The following ZNF254 variants were observed in gnomAD, a reference collection of about 807,000 sequenced individuals.
The protein encoded by ZNF254 is zinc finger protein 254, also known as CTD-2017D11.1.
Under a neutral mutation model 12.4 loss-of-function variants are expected in ZNF254, and 10 were observed. The observed-to-expected ratio is 0.80, with a 90% CI of 0.50 to 1.36. The LOEUF (loss-of-function observed/expected upper bound fraction) is 1.36. Among genes scored for constraint, ZNF254 ranks in the 40% most tolerant of loss-of-function variants. The pLI, the probability that ZNF254 is intolerant of heterozygous loss-of-function variation, is 0.00. For missense variants in ZNF254, 996 were observed against 763.9 expected, an observed-to-expected ratio of 1.30 and a Z score of -3.58; for synonymous variants, 305 against 253.4, an observed-to-expected ratio of 1.20 and a Z score of -1.93.
Position 24,128,864 on chromosome 19 carries a change from A to T in ZNF254, c.*884A>T, listed in dbSNP as rs1975066763. 1 of 152,012 alleles carries T rather than the reference A, an allele frequency of 6.6e-6. No homozygotes were observed. Among genetic ancestry groups the T allele is most frequent in the Non-Finnish European group, 1.5e-5 (1 of 67,914 alleles). The allele number at this position is 152,012 out of a possible 1,614,324, so 9.4% of individuals were successfully genotyped here. ...ACTTTAAAAATAGAATATTTTTTGG[A>T]GGGTTATAATTACATTCAAAGTACT... is the stretch of plus-strand genomic sequence containing the variant. On this transcript the variant is annotated 3_prime_UTR_variant, in exon 4 of 4. Coordinates refer to ENST00000357002, the MANE Select transcript of ZNF254 (RefSeq NM_203282.4).
chr19:24,098,524 C>G (rs1424572157), intron 1 of ZNF254: 2 of 152,170 alleles, frequency 1.3e-5, no homozygotes, highest in African/African-American at 4.8e-5. Context: ...TTTTAAAATT[C>G]CAATGATAAT....
At chr19:24,048,341 A>G (rs73017373) in intron 2 of ZNF254, among the ~76,000 whole-genome samples, 24,245 of 152,246 alleles carry the variant, frequency 0.16, 2,106 homozygotes, top group Middle Eastern at 0.23. Flanking sequence ...AGCGCCACAC[A>G]TGGCCCAGGG....
intron 1 of ZNF254, among the ~76,000 whole-genome samples, chr19:24,037,934 A>G (rs543010346): frequency 1.3e-5 from 2 of 152,162 alleles, no homozygotes; most frequent in South Asian, 4.1e-4. Context: ...TTTAGTAGAG[A>G]TGGAATTTCA....
At chr19:24,050,003 G>T (rs62114761) in intron 2 of ZNF254, among the ~76,000 whole-genome samples, 24,179 of 151,722 alleles carry the variant, frequency 0.16, 2,094 homozygotes, top group Middle Eastern at 0.23. Flanking sequence ...CAGTACTCTT[G>T]TGTCATGGCA....
chr19:24,105,355 T>TAAA, intron 1 of ZNF254: 7 of 206,264 alleles, frequency 3.4e-5, no homozygotes, highest in South Asian at 2.6e-4. Flanking sequence ...CTAGAAAAAC[T>TAAA]AAAAAAAAAA....
At chr19:24,103,033 T>C (rs2145783947) in intron 1 of ZNF254, among the ~76,000 whole-genome samples, 1 of 152,346 alleles carries the variant, frequency 6.6e-6, no homozygotes, top group Admixed American at 6.5e-5. Flanking sequence ...TGTAACATCC[T>C]GTTGATCACA....
intron 1 of ZNF254, among the ~76,000 whole-genome samples, chr19:24,095,669 G>A (rs536430010): frequency 6.6e-6 from 1 of 152,062 alleles, no homozygotes; most frequent in South Asian, 2.1e-4. Context: ...TTGTTTGTGT[G>A]CACAGAGGTG....
In ZNF254 at chr19:24,126,239, T is replaced by A. The variant is rs1392843192; in HGVS notation, c.254-15T>A. ...AGTAAGTGGAGTAATTTATTTATTT[T>A]TATTTTTTTTTCAGGTATGTGTCCT... is the stretch of plus-strand genomic sequence containing the variant. On this transcript the variant is annotated splice_polypyrimidine_tract_variant and intron_variant, in intron 3 of 3. Coordinates refer to ENST00000357002, the MANE Select transcript of ZNF254 (RefSeq NM_203282.4). 7.1e-7 allele frequency: 1 copy of A among 1,405,212 alleles called. No individual in the cohort carries two copies. Among genetic ancestry groups the A allele is most frequent in the African/African-American group, 1.5e-5 (1 of 67,794 alleles). 87.0% of individuals were successfully genotyped at this position (1,405,212 alleles called of 1,614,324 possible). A position where few individuals can be genotyped will look rare whatever the true frequency, so the allele number is the denominator to read the frequency against.
intron 3 of ZNF254, among the ~76,000 whole-genome samples, chr19:24,109,602 G>T (rs974478022): frequency 3.3e-5 from 5 of 152,072 alleles, no homozygotes; most frequent in African/African-American, 1.2e-4. Context: ...GTCATAGTCA[G>T]ATTATCTATA....
intron 3 of ZNF254, chr19:24,107,044 T>C (rs991419803): frequency 4.0e-5 from 18 of 447,746 alleles, no homozygotes; most frequent in Non-Finnish European, 6.6e-5. Context: ...GTTTCTGTTA[T>C]ATTGGGTTTT....
At chr19:24,052,792 G>A (rs1372943333) in intron 2 of ZNF254, among the ~76,000 whole-genome samples, 1 of 152,178 alleles carries the variant, frequency 6.6e-6, no homozygotes, top group East Asian at 1.9e-4. Context: ...TGGTGGGATT[G>A]TGATACATAT....
At chr19:24,117,590 C>T (rs769489017) in intron 3 of ZNF254, among the ~76,000 whole-genome samples, 3 of 152,066 alleles carry the variant, frequency 2.0e-5, no homozygotes, top group Non-Finnish European at 2.9e-5. Flanking sequence ...TTCCAGATGC[C>T]GTCTGTCACC....
chr19:24,056,526 A>G (rs1415469346), intron 2 of ZNF254, among the ~76,000 whole-genome samples: 1 of 152,088 alleles, frequency 6.6e-6, no homozygotes. Flanking sequence ...CTGGACCTCA[A>G]AAGGCATTGT....
intron 2 of ZNF254, among the ~76,000 whole-genome samples, chr19:24,049,214 A>ATATATTTT (rs1160333151): frequency 5.9e-4 from 24 of 40,852 alleles, no homozygotes; most frequent in Admixed American, 1.9e-3. Flanking sequence ...ATATATATAT[A>ATATATTTT]TTTTTTTTTT....
rs559550240 is a variant in ZNF254 at position 24,091,557 on chromosome 19, A to G, written c.30+4220A>G. On this transcript the variant is annotated intron_variant, in intron 1 of 3. Coordinates refer to ENST00000357002, the MANE Select transcript of ZNF254 (RefSeq NM_203282.4). ...ACCCAGGCTGGAGTGCAATGGTGCA[A>G]TCTTAGCTCACTGCAACCTCCAATT... Among the ~76,000 whole-genome samples, 23 of 152,176 alleles carry G rather than the reference A, an allele frequency of 1.5e-4. No individual in the cohort carries two copies. In the South Asian group the frequency reaches 2.3e-3, roughly 15 times the overall value.
intron 2 of ZNF254, among the ~76,000 whole-genome samples, chr19:24,055,395 C>T (rs150835654): frequency 1.2e-3 from 184 of 151,756 alleles, no homozygotes; most frequent in African/African-American, 4.1e-3. Flanking sequence ...TCTCCTGCCT[C>T]AGCCTCCTGA....
At position 24,111,735 on chromosome 19, in the gene ZNF254, G is replaced by A. The variant is rs538408631; in HGVS notation, c.253+5092G>A. Among the ~76,000 whole-genome samples the A allele has an allele frequency of 6.6e-5, 10 of 152,082 alleles. No homozygotes were observed. The East Asian group carries it at 1.7e-3, about 26-fold the overall frequency. On this transcript the variant is annotated intron_variant, in intron 3 of 3. Transcript: ENST00000357002. ...TGAGCATTTTTTCATGTGTTTTTTGGCTGCATAAATGTCTTCTTTTGAGAA... is the reference window on the plus strand; with the variant it reads ...TGAGCATTTTTTCATGTGTTTTTTGACTGCATAAATGTCTTCTTTTGAGAA...
intron 2 of ZNF254, among the ~76,000 whole-genome samples, chr19:24,055,205 C>CAAAAAAAAA (rs71167733): frequency 3.5e-5 from 1 of 28,326 alleles, no homozygotes; most frequent in Non-Finnish European, 5.4e-5. Context: ...TCTGTCTCAC[C>CAAAAAAAAA]AAAAAAAAAA....
At chr19:24,062,084 T>G (rs1971091257) in intron 2 of ZNF254, among the ~76,000 whole-genome samples, 1 of 69,836 alleles carries the variant, frequency 1.4e-5, no homozygotes, top group Non-Finnish European at 3.1e-5. Context: ...AAACTCTGTC[T>G]CACAAAAAAA....
Sources: gnomAD v4.1 joint callset for allele counts (sites outside exome capture counted in the v4.1 genomes callset) on GRCh38, gnomAD v4.1.1 for gene constraint, MANE v1.5 for transcripts, NCBI Gene and HGNC (gene_info 2026-07-23, HGNC 2026-07-21) for gene names.